Variants in PTPN3 observed in about 807,000 individuals in gnomAD.
The protein encoded by PTPN3 is tyrosine-protein phosphatase non-receptor type 3.
PTPN3 carries 96 observed loss-of-function variants against 132.7 expected under a neutral mutation model. The observed-to-expected ratio is 0.72, with a 90% CI of 0.61 to 0.86. The LOEUF (loss-of-function observed/expected upper bound fraction) is 0.86. Ranked by LOEUF, PTPN3 falls within the 40% of genes least tolerant of loss-of-function variation. PTPN3 has a pLI of 0.00. For synonymous variants in PTPN3, 398 were observed against 429.0 expected (o/e 0.93, Z 0.89); for missense variants, 1,125 against 1,159.6 (o/e 0.97, Z 0.43).
intron 1 of PTPN3, among the ~76,000 whole-genome samples, chr9:109,464,413 G>A (rs1306652595): frequency 6.6e-6 from 1 of 152,186 alleles, no homozygotes; most frequent in Non-Finnish European, 1.5e-5. Context: ...AGGGTGAAGT[G>A]TGGGAGGAGG....
intron 19 of PTPN3, among the ~76,000 whole-genome samples, chr9:109,396,007 G>A (rs1319400077): frequency 1.3e-5 from 2 of 151,782 alleles, no homozygotes; most frequent in African/African-American, 2.4e-5. Context: ...GTATACAGGC[G>A]TGCGCCACCA....
intron 19 of PTPN3, among the ~76,000 whole-genome samples, chr9:109,401,176 C>T (rs1841059974): frequency 6.6e-6 from 1 of 152,200 alleles, no homozygotes; most frequent in Admixed American, 6.5e-5. Context: ...AAAATGTATA[C>T]GTTCTCCTTT....
At chr9:109,523,610 CT>C in the PTPN3 span, among the ~76,000 whole-genome samples, 2 of 152,284 alleles carry the variant, frequency 1.3e-5, no homozygotes, top group East Asian at 1.9e-4. Flanking sequence ...GCATTTCATT[CT>C]TTATGGCTCT....
chr9:109,407,061 G>A (rs1050777276), intron 17 of PTPN3, among the ~76,000 whole-genome samples: 13 of 152,178 alleles, frequency 8.5e-5, no homozygotes, highest in African/African-American at 2.7e-4. Flanking sequence ...GAGAAGCAAT[G>A]AATTGAACAG....
chr9:109,419,943 C>G (rs1842775863), intron 14 of PTPN3, among the ~76,000 whole-genome samples: 1 of 152,152 alleles, frequency 6.6e-6, no homozygotes, highest in African/African-American at 2.4e-5. Flanking sequence ...ACGTTTGTTT[C>G]TTTATACTAA....
intron 1 of PTPN3, 139 bp from the exon 2 acceptor site, chr9:109,463,590 T>A (rs1564466182): frequency 1.4e-6 from 1 of 695,266 alleles, no homozygotes; most frequent in East Asian, 3.2e-5. Flanking sequence ...GCAGATCATG[T>A]TTCCAATTGA....
intron 19 of PTPN3, among the ~76,000 whole-genome samples, chr9:109,394,453 C>CATTT (rs1840389132): frequency 1.3e-5 from 2 of 149,196 alleles, no homozygotes; most frequent in Non-Finnish European, 3.0e-5. Flanking sequence ...GCAGTGTTTA[C>CATTT]ATTTTTTTTT....
At chr9:109,408,796 AAT>A (rs1219154297) in intron 16 of PTPN3, among the ~76,000 whole-genome samples, 11,385 of 108,178 alleles carry the variant, frequency 0.11, 659 homozygotes, top group Non-Finnish European at 0.14. Context: ...AAAAAAAAAA[AAT>A]ATATATATAT....
intron 12 of PTPN3, among the ~76,000 whole-genome samples, chr9:109,426,576 G>A (rs1303727778): frequency 1.3e-5 from 2 of 152,154 alleles, no homozygotes; most frequent in Non-Finnish European, 2.9e-5. Flanking sequence ...AGCATCTTAT[G>A]GAATTAAAGT....
the PTPN3 span, among the ~76,000 whole-genome samples, chr9:109,537,326 C>T: frequency 9.1e-4 from 138 of 152,262 alleles, 2 homozygotes; most frequent in Non-Finnish European, 2.5e-4. Flanking sequence ...CAACTTCTTA[C>T]GCTTAAAAAG....
At chr9:109,534,835 CAAAG>C in the PTPN3 span, among the ~76,000 whole-genome samples, 3 of 146,748 alleles carry the variant, frequency 2.0e-5, no homozygotes, top group Admixed American at 6.8e-5. Flanking sequence ...AACAAACAAA[CAAAG>C]TTAGTGTGCA....
intron 14 of PTPN3, among the ~76,000 whole-genome samples, chr9:109,417,374 C>A (rs1021021443): frequency 6.6e-6 from 1 of 152,176 alleles, no homozygotes; most frequent in Non-Finnish European, 1.5e-5. Flanking sequence ...GCACTTAATT[C>A]TTCTTCTTAA....
chr9:109,392,073 C>T (rs992758208), intron 19 of PTPN3, among the ~76,000 whole-genome samples: 4 of 152,134 alleles, frequency 2.6e-5, no homozygotes, highest in Admixed American at 2.6e-4. Context: ...GAGGTACTTC[C>T]CTACACATGT....
At chr9:109,429,652 G>T (rs1843523464) in intron 10 of PTPN3, among the ~76,000 whole-genome samples, 1 of 152,220 alleles carries the variant, frequency 6.6e-6, no homozygotes, top group Admixed American at 6.5e-5. Context: ...CATATACAAA[G>T]GGCTGGCTTT....
chr9:109,485,289 C>T (rs562795076), intron 1 of PTPN3, among the ~76,000 whole-genome samples: 34 of 152,192 alleles, frequency 2.2e-4, no homozygotes, highest in African/African-American at 7.9e-4. Flanking sequence ...GGGTGGATCA[C>T]GAGGTCAGGA....
At chr9:109,499,179 A>C (rs983841646), upstream of PTPN3, among the ~76,000 whole-genome samples, 1 of 152,080 alleles carries the variant, frequency 6.6e-6, no homozygotes, top group Non-Finnish European at 1.5e-5. Context: ...CAAACTATGC[A>C]TTATATTAGA....
intron 1 of PTPN3, among the ~76,000 whole-genome samples, chr9:109,475,995 T>G (rs1311021529): frequency 6.6e-6 from 1 of 152,188 alleles, no homozygotes; most frequent in Non-Finnish European, 1.5e-5. Context: ...CTTATTTGTC[T>G]CTGATCAGCC....
rs1310056072 is a variant in PTPN3, at chr9:109,377,446, ACACACACACAC to A, written c.*2099_*2109del. On this transcript the variant is annotated 3_prime_UTR_variant, in exon 26 of 26. Coordinates refer to ENST00000374541, the MANE Select transcript of PTPN3 (RefSeq NM_002829.4). The stretch of plus-strand genomic sequence containing the variant: ...CACACACACACACACACACACACAC[ACACACACACAC>A]AAGCCAGGTGAGGTGGCATGTGCCT... The A allele has an allele frequency of 2.7e-4, 35 of 130,470 alleles. No individual in the cohort carries two copies. The highest frequency in any genetic ancestry group is 9.2e-4 in the African/African-American group (32 of 34,694). The allele number at this position is 130,470 out of a possible 1,614,324, so 8.1% of individuals were successfully genotyped here. A position where few individuals can be genotyped will look rare whatever the true frequency, so the allele number is the denominator to read the frequency against.
the PTPN3 span, among the ~76,000 whole-genome samples, chr9:109,531,104 G>T: frequency 1.8e-4 from 27 of 152,164 alleles, no homozygotes; most frequent in South Asian, 5.2e-3. Context: ...GGCTTTTGTT[G>T]CCTGTGCCTT....
Sources: allele counts gnomAD v4.1 joint callset (sites outside exome capture counted in the v4.1 genomes callset), GRCh38; gene constraint gnomAD v4.1.1; transcripts MANE v1.5; gene names NCBI Gene and HGNC (gene_info 2026-07-23, HGNC 2026-07-21).